The following BANP variants were observed in gnomAD, a reference collection of about 807,000 sequenced individuals.
The protein encoded by BANP is protein BANP.
Under a neutral mutation model 68.1 loss-of-function variants are expected in BANP, and 11 were observed. The ratio of observed to expected loss-of-function variants is 0.16; its 90% CI spans 0.10 to 0.27. The LOEUF is 0.27. BANP is among the 10% of genes least tolerant of loss of function. BANP has a pLI of 1.00. For synonymous variants in BANP, 329 were observed against 303.2 expected (o/e 1.09, Z -0.88); for missense variants, 504 against 722.7 (o/e 0.70, Z 3.47).
At chr16:87,958,186 C>T (rs548333799) in intron 1 of BANP, among the ~76,000 whole-genome samples, 1 of 152,244 alleles carries the variant, frequency 6.6e-6, no homozygotes, top group African/African-American at 2.4e-5. Context: ...GCCACGTTCC[C>T]TCATGTTCTT....
chr16:87,982,186 A>G (rs895964957), intron 3 of BANP, among the ~76,000 whole-genome samples: 1 of 152,252 alleles, frequency 6.6e-6, no homozygotes, highest in African/African-American at 2.4e-5. Context: ...CACAGAACAC[A>G]CATCTGTTGC....
intron 1 of BANP, among the ~76,000 whole-genome samples, chr16:87,961,999 G>A (rs1474432026): frequency 6.6e-6 from 1 of 152,098 alleles, no homozygotes; most frequent in East Asian, 1.9e-4. Flanking sequence ...CAGCACTTTG[G>A]GAGGATGAGG....
At chr16:87,991,159 G>A (rs1449927449) in intron 4 of BANP, among the ~76,000 whole-genome samples, 2 of 152,048 alleles carry the variant, frequency 1.3e-5, no homozygotes, top group South Asian at 2.1e-4. Context: ...TGCAACTTCG[G>A]GAATTATTCA....
At chr16:87,998,680 G>C (rs1443312906) in intron 4 of BANP, among the ~76,000 whole-genome samples, 2 of 145,750 alleles carry the variant, frequency 1.4e-5, no homozygotes, top group Non-Finnish European at 3.0e-5. Context: ...ATGCACGTGC[G>C]CGGCTGGACT....
At chr16:88,047,065 CAAAAAAGAA>C (rs1305798215) in intron 11 of BANP, among the ~76,000 whole-genome samples, 1 of 135,502 alleles carries the variant, frequency 7.4e-6, no homozygotes, top group Non-Finnish European at 1.5e-5. Flanking sequence ...GACTCCGTCT[CAAAAAAGAA>C]AAAAAAAAAT....
In BANP at chr16:87,957,625, G is replaced by C. The variant is rs1385566875; in HGVS notation, c.-69+6110G>C. 6.6e-6 allele frequency among the ~76,000 whole-genome samples: 1 copy of C among 152,220 alleles called. No homozygotes were observed. Among genetic ancestry groups the C allele is most frequent in the African/African-American group, 2.4e-5 (1 of 41,456 alleles). ...CCTGTAGTGATTTTCCTTTTCCCTTGAGATGAAAAGTCATCAAATATCTGG... is the reference window on the plus strand; with the variant it reads ...CCTGTAGTGATTTTCCTTTTCCCTTCAGATGAAAAGTCATCAAATATCTGG... On this transcript the variant is annotated intron_variant, in intron 1 of 13. Coordinates refer to ENST00000682872, the MANE Select transcript of BANP (RefSeq NM_001386991.1). The surrounding 1 kb of genome is among the most constrained non-coding windows in gnomAD (Gnocchi z 4.3).
chr16:87,972,011 T>C (rs11648161), intron 1 of BANP, among the ~76,000 whole-genome samples: 52,858 of 151,874 alleles, frequency 0.35, 10,464 homozygotes, highest in Non-Finnish European at 0.47. Flanking sequence ...CAGGCTGCTC[T>C]TGAGCTATCA....
intron 4 of BANP, among the ~76,000 whole-genome samples, chr16:87,997,233 A>G (rs1334367923): frequency 6.6e-6 from 1 of 152,234 alleles, no homozygotes; most frequent in African/African-American, 2.4e-5. Flanking sequence ...TGTTGGGATT[A>G]CAGGTGTGAG....
chr16:87,980,266 G>A, intron 2 of BANP, among the ~76,000 whole-genome samples: 1 of 152,202 alleles, frequency 6.6e-6, no homozygotes. Context: ...TAGGTCTAAG[G>A]AAAAGGACTA....
chr16:88,027,731 C>T (rs1270785572), intron 8 of BANP, 81 bp downstream of exon 8: 28 of 1,519,628 alleles, frequency 1.8e-5, no homozygotes, highest in Admixed American at 5.9e-5. Context: ...GCAGCCAGTG[C>T]GTGGCCAGCG....
chr16:88,046,794 C>T (rs903874002), intron 11 of BANP, among the ~76,000 whole-genome samples: 1 of 152,030 alleles, frequency 6.6e-6, no homozygotes, highest in African/African-American at 2.4e-5. Context: ...TGGCCGGGCA[C>T]GGTGCTTCAC....
At chr16:88,076,533 C>G in intron 13 of BANP, 57 bp from the exon 14 acceptor site, 2 of 1,492,622 alleles carry the variant, frequency 1.3e-6, no homozygotes, top group Non-Finnish European at 1.8e-6. Context: ...ATGACACCCC[C>G]TGGCCATGCA....
At chr16:88,054,779 G>A (rs2084558349) in intron 11 of BANP, among the ~76,000 whole-genome samples, 1 of 152,224 alleles carries the variant, frequency 6.6e-6, no homozygotes, top group Admixed American at 6.5e-5. Context: ...TCCTTACTAT[G>A]TAGGCCTTGA....
At chr16:88,016,662 G>A (rs1351528179) in intron 6 of BANP, among the ~76,000 whole-genome samples, 2 of 152,196 alleles carry the variant, frequency 1.3e-5, no homozygotes, top group Admixed American at 6.5e-5. Flanking sequence ...TTGCAGCTGC[G>A]GCCTTTAGAG....
chr16:87,981,105 A>G lies in BANP; in HGVS notation c.140A>G (p.Asn47Ser). The change falls in exon 3 of 14, where the codon AAT becomes AGT. Residue 47 changes from asparagine to serine, a missense_variant. Asn to Ser is a conservative substitution (Grantham distance 46). Coordinates refer to ENST00000682872, the MANE Select transcript of BANP (RefSeq NM_001386991.1). Reference protein sequence around the residue: ...PALKRQRLEINCQDPSIKSFL... With the variant: ...PALKRQRLEISCQDPSIKSFL... ...TTGAAACGCCAGCGACTAGAAATCA[A>G]TTGCCAGGATCCATCTATAAAGGTA... is the stretch of plus-strand genomic sequence containing the variant. The G allele has an allele frequency of 1.9e-6, 3 of 1,614,040 alleles. No homozygotes were observed. The highest frequency in any genetic ancestry group is 8.5e-7 in the Non-Finnish European group (1 of 1,179,918).
intron 12 of BANP, among the ~76,000 whole-genome samples, chr16:88,067,383 G>A (rs1425593265): frequency 5.3e-5 from 8 of 152,032 alleles, no homozygotes; most frequent in East Asian, 1.9e-4. Context: ...CATCTGCGCC[G>A]GGGCCTCCCT....
chr16:88,031,595 G>T (rs1247062419), intron 8 of BANP, among the ~76,000 whole-genome samples: 1 of 150,008 alleles, frequency 6.7e-6, no homozygotes, highest in Non-Finnish European at 1.5e-5. Context: ...GTTGCAGTGA[G>T]CCAAGGTCAT....
At chr16:87,991,847 A>G (rs566889649) in intron 4 of BANP, among the ~76,000 whole-genome samples, 12 of 152,336 alleles carry the variant, frequency 7.9e-5, no homozygotes, top group African/African-American at 2.6e-4. Flanking sequence ...TTCTTCCTAT[A>G]GAATTTCTAT....
At chr16:87,961,350 G>C (rs538907192) in intron 1 of BANP, among the ~76,000 whole-genome samples, 2 of 151,952 alleles carry the variant, frequency 1.3e-5, no homozygotes, top group East Asian at 3.9e-4. Flanking sequence ...TTTTTGTAGA[G>C]ACAGGGTTTT....
Sources: allele counts gnomAD v4.1 joint callset (sites outside exome capture counted in the v4.1 genomes callset), GRCh38; gene constraint gnomAD v4.1.1; non-coding constraint Gnocchi (gnomAD v3.1); transcripts MANE v1.5; gene names NCBI Gene and HGNC (gene_info 2026-07-23, HGNC 2026-07-21).